Variants in MACROD2 observed in about 807,000 individuals in gnomAD.
MACROD2 encodes the protein ADP-ribose glycohydrolase MACROD2.
Under a neutral mutation model 70.4 loss-of-function variants are expected in MACROD2, and 36 were observed. That is an observed-to-expected ratio of 0.51 (90% CI 0.39 to 0.68). The LOEUF is 0.68. MACROD2 is among the 30% of genes least tolerant of loss of function. The pLI is 0.00. For missense variants in MACROD2, 496 were observed against 538.4 expected (o/e 0.92, Z 0.78); for synonymous variants, 172 against 178.8 (o/e 0.96, Z 0.30).
intron 4 of MACROD2, among the ~76,000 whole-genome samples, chr20:14,515,471 A>ACGCACGCGCGCGCGCG (rs1182346144): frequency 1.0e-5 from 1 of 99,786 alleles, no homozygotes; most frequent in African/African-American, 3.8e-5. Context: ...ACACGCACAC[A>ACGCACGCGCGCGCGCG]CACACACACA....
At chr20:14,163,352 A>G (rs1012713350) in intron 3 of MACROD2, among the ~76,000 whole-genome samples, 6 of 152,188 alleles carry the variant, frequency 3.9e-5, no homozygotes, top group African/African-American at 1.2e-4. Context: ...AAATGATTAG[A>G]TACTTTTTTC....
At chr20:14,463,549 C>G (rs28790715) in intron 3 of MACROD2, among the ~76,000 whole-genome samples, 1 of 152,006 alleles carries the variant, frequency 6.6e-6, no homozygotes, top group East Asian at 1.9e-4. Context: ...CCTGATTGCC[C>G]TGACCAGAAC....
chr20:14,873,175 C>T (rs183078364), intron 5 of MACROD2, among the ~76,000 whole-genome samples: 8 of 152,226 alleles, frequency 5.3e-5, no homozygotes, highest in East Asian at 1.9e-4. Flanking sequence ...ATGTGCTCAA[C>T]GCATGCACAG....
At chr20:15,300,279 T>G (rs2077629823) in intron 6 of MACROD2, among the ~76,000 whole-genome samples, 1 of 152,238 alleles carries the variant, frequency 6.6e-6, no homozygotes, top group Non-Finnish European at 1.5e-5. Flanking sequence ...CTCATTGTTC[T>G]CAAACCATGA....
chr20:15,797,518 T>C (rs1257636556), intron 8 of MACROD2, among the ~76,000 whole-genome samples: 1 of 139,430 alleles, frequency 7.2e-6, no homozygotes, highest in Non-Finnish European at 1.5e-5. Context: ...AGGCTCATCA[T>C]CGGATGGTCA....
intron 5 of MACROD2, among the ~76,000 whole-genome samples, chr20:15,045,484 G>A (rs150154219): frequency 9.1e-4 from 138 of 152,204 alleles, no homozygotes; most frequent in African/African-American, 2.9e-3. Flanking sequence ...CACGTTGCGC[G>A]GAAAACATGA....
intron 8 of MACROD2, among the ~76,000 whole-genome samples, chr20:15,703,445 A>C (rs1600782159): frequency 6.6e-6 from 1 of 152,134 alleles, no homozygotes; most frequent in East Asian, 1.9e-4. Context: ...AGAACCCTGG[A>C]GGTATCTTAA....
chr20:15,114,527 C>T (rs925017002), intron 5 of MACROD2, among the ~76,000 whole-genome samples: 1 of 152,068 alleles, frequency 6.6e-6, no homozygotes, highest in African/African-American at 2.4e-5. Context: ...ACAAAGGACT[C>T]TTATTGACAG....
intron 8 of MACROD2, among the ~76,000 whole-genome samples, chr20:15,836,913 A>G (rs866506497): frequency 6.6e-6 from 1 of 152,248 alleles, no homozygotes; most frequent in African/African-American, 2.4e-5. Context: ...GATTGTGCCT[A>G]TAAGGTTTGC....
chr20:15,754,017 T>C (rs1181018856), intron 8 of MACROD2, among the ~76,000 whole-genome samples: 2 of 152,162 alleles, frequency 1.3e-5, no homozygotes, highest in Admixed American at 6.5e-5. Context: ...ATCTGATAGA[T>C]CAAGCTTATA....
intron 4 of MACROD2, among the ~76,000 whole-genome samples, chr20:14,508,343 T>C (rs1290047439): frequency 1.3e-5 from 2 of 152,226 alleles, no homozygotes; most frequent in East Asian, 3.8e-4. Flanking sequence ...TTTTCTTTTC[T>C]TTCGGCTCTA....
intron 6 of MACROD2, among the ~76,000 whole-genome samples, chr20:15,378,880 C>A (rs1420352432): frequency 2.6e-5 from 4 of 152,084 alleles, no homozygotes; most frequent in Admixed American, 6.6e-5. Context: ...GCAACGCATG[C>A]CAGATTTCAT....
At position 14,465,313 on chromosome 20, in the gene MACROD2, G is replaced by C. The variant is rs370997980; in HGVS notation, c.272-28166G>C. ...AATGGCCTTCTTTGTCTCTTTTGATGTTTGTTGGTTTAAAGTCTGTTTTGT... is the reference window on the plus strand; with the variant it reads ...AATGGCCTTCTTTGTCTCTTTTGATCTTTGTTGGTTTAAAGTCTGTTTTGT... On this transcript the variant is annotated intron_variant, in intron 3 of 17. Transcript: ENST00000684519. Among the ~76,000 whole-genome samples the C allele has an allele frequency of 1.8e-3, 267 of 151,990 alleles. 3 individuals carry two copies. The highest frequency in any genetic ancestry group is 6.2e-3 in the African/African-American group (255 of 41,434).
At chr20:14,526,489 T>TAATA (rs955612594) in intron 4 of MACROD2, among the ~76,000 whole-genome samples, 58 of 152,218 alleles carry the variant, frequency 3.8e-4, no homozygotes, top group African/African-American at 1.3e-3. Flanking sequence ...CCTTAAAAAT[T>TAATA]AATAAATAAA....
At position 14,356,138 on chromosome 20, in the gene MACROD2, TG is replaced by T. The variant is rs2083170054; in HGVS notation, c.272-137338del. On this transcript the variant is annotated intron_variant, in intron 3 of 17. Coordinates refer to ENST00000684519, the MANE Select transcript of MACROD2 (RefSeq NM_001351661.2). ...GCCACTTGTGAGCTGAATTAAGTTT[TG>T]GGTAAATTACTTAATCTCTGTGTGT... Among the ~76,000 whole-genome samples the T allele has an allele frequency of 6.6e-5, 10 of 152,342 alleles. No homozygotes were observed. The South Asian group carries it at 2.1e-3, about 32-fold the overall frequency.
At chr20:15,904,439 T>G (rs2065112573) in intron 10 of MACROD2, among the ~76,000 whole-genome samples, 1 of 152,182 alleles carries the variant, frequency 6.6e-6, no homozygotes, top group South Asian at 2.1e-4. Context: ...AAAGATTATT[T>G]TATGTGATTT....
intron 3 of MACROD2, among the ~76,000 whole-genome samples, chr20:14,479,078 G>GCAC (rs2084631730): frequency 6.6e-6 from 1 of 152,132 alleles, no homozygotes; most frequent in African/African-American, 2.4e-5. Flanking sequence ...GTATCCTGGT[G>GCAC]AAGGAGGGGA....
chr20:14,155,023 G>T (rs2055080039), intron 3 of MACROD2, among the ~76,000 whole-genome samples: 1 of 152,170 alleles, frequency 6.6e-6, no homozygotes. Context: ...GAGCCTTGGG[G>T]AGGCCTCTTG....
chr20:15,573,835 T>C (rs888033585), intron 8 of MACROD2, among the ~76,000 whole-genome samples: 4 of 152,124 alleles, frequency 2.6e-5, no homozygotes, highest in African/African-American at 9.7e-5. Flanking sequence ...TAATCATGCC[T>C]TCATAACATT....
Sources: gnomAD v4.1 joint callset for allele counts (sites outside exome capture counted in the v4.1 genomes callset) on GRCh38, gnomAD v4.1.1 for gene constraint, MANE v1.5 for transcripts, NCBI Gene and HGNC (gene_info 2026-07-23, HGNC 2026-07-21) for gene names.